Variants in REV3L observed in about 807,000 individuals in gnomAD.
The protein encoded by REV3L is DNA polymerase zeta catalytic subunit.
REV3L carries 69 observed loss-of-function variants against 299.4 expected under a neutral mutation model. The ratio of observed to expected loss-of-function variants is 0.23; its 90% CI spans 0.19 to 0.28. REV3L has a LOEUF of 0.28. Ranked by LOEUF, REV3L falls within the 10% of genes least tolerant of loss-of-function variation. The pLI is 1.00. For missense variants in REV3L, 3,128 were observed against 3,693.8 expected (o/e 0.85, Z 3.97); for synonymous variants, 1,238 against 1,271.4 (o/e 0.97, Z 0.56).
At chr6:111,315,406 G>A in intron 26 of REV3L, 25 bp from the exon 27 acceptor site, 1 of 1,584,168 alleles carries the variant, frequency 6.3e-7, no homozygotes, top group Non-Finnish European at 8.6e-7. Flanking sequence ...AATAAAGTAA[G>A]GTAATGAGGA....
intron 25 of REV3L, among the ~76,000 whole-genome samples, chr6:111,324,532 T>G (rs975777292): frequency 4.6e-5 from 7 of 152,220 alleles, no homozygotes; most frequent in Admixed American, 4.6e-4. Context: ...AATATACTTC[T>G]GAGATGTATA....
rs1333222907 is a variant in REV3L at position 111,482,831 on chromosome 6, G to A, written c.58C>T (p.Leu20=). 2 of 1,507,932 alleles carry A rather than the reference G, an allele frequency of 1.3e-6. No individual in the cohort carries two copies. The highest frequency in any genetic ancestry group is 1.5e-5 in the African/African-American group (1 of 68,366). 93.4% of individuals were successfully genotyped at this position (1,507,932 alleles called of 1,614,324 possible). A position where few individuals can be genotyped will look rare whatever the true frequency, so the allele number is the denominator to read the frequency against. Residue 20 remains leucine, a synonymous_variant, in exon 1 of 32, where the codon CTG becomes TTG. Transcript: ENST00000368802. ...GTGAGGGGGGATTGGCAGGTATCCAGCCCCTGCAGCGGGCTGGCCATGTAG... is the reference window on the plus strand; with the variant it reads ...GTGAGGGGGGATTGGCAGGTATCCAACCCCTGCAGCGGGCTGGCCATGTAG... ...DYYMASPLQG[L]DTCQSPLTQA... is the part of the protein sequence containing the mutation.
chr6:111,469,486 T>A (rs1378391100), intron 1 of REV3L, among the ~76,000 whole-genome samples: 3 of 152,176 alleles, frequency 2.0e-5, no homozygotes, highest in Non-Finnish European at 4.4e-5. Context: ...AATAGATTGT[T>A]GTAGTAATGG....
At chr6:111,306,021 TA>T (rs1772246241) in intron 31 of REV3L, among the ~76,000 whole-genome samples, 1 of 152,244 alleles carries the variant, frequency 6.6e-6, no homozygotes, top group Non-Finnish European at 1.5e-5. Context: ...ATTTATTCAA[TA>T]AATATTTACA....
At chr6:111,430,645 GAA>G (rs1488700648) in intron 1 of REV3L, 1 of 1,521,948 alleles carries the variant, frequency 6.6e-7, no homozygotes, top group Non-Finnish European at 9.1e-7. Context: ...TGCTGGCCGA[GAA>G]GAGAGAGGAC....
intron 21 of REV3L, among the ~76,000 whole-genome samples, chr6:111,337,595 A>T (rs1776040172): frequency 6.6e-6 from 1 of 152,182 alleles, no homozygotes; most frequent in African/African-American, 2.4e-5. Context: ...TGCTTTCCAG[A>T]AAGGTTTTAA....
chr6:111,391,877 T>C (rs976970813), intron 5 of REV3L, among the ~76,000 whole-genome samples: 3 of 152,228 alleles, frequency 2.0e-5, no homozygotes, highest in African/African-American at 7.2e-5. Context: ...TAGTCCTAGA[T>C]TCTTGGGAGG....
chr6:111,377,766 T>C lies in REV3L; in HGVS notation c.1532A>G (p.Asp511Gly), dbSNP rs375773069. 12 of 1,613,652 alleles carry C rather than the reference T, an allele frequency of 7.4e-6. No individual in the cohort carries two copies. The highest frequency in any genetic ancestry group is 1.7e-5 in the Admixed American group (1 of 59,976). Residue 511 changes from aspartate (D) to glycine (G), a missense_variant, in exon 12 of 32, where the codon GAT (aspartate) becomes GGT (glycine). Around this residue, in one of 9 missense-constraint regions of REV3L, gnomAD observed 2,409 missense variants for 2,611.8 expected, o/e 0.92. Transcript: ENST00000368802. ...AAGACTGGCTAGAAGCAAACTGTTA[T>C]CACTCCATTCCATTTCTTCTCCTGA... Reference protein sequence around the residue: ...SSSGEEMEWSDNSLLLASLSI... With the variant: ...SSSGEEMEWSGNSLLLASLSI...
At position 111,475,036 on chromosome 6, in the gene REV3L, TATA is replaced by T. The variant is rs530309569; in HGVS notation, c.139+7711_139+7713del. 4.7e-4 allele frequency among the ~76,000 whole-genome samples: 71 copies of T among 151,650 alleles called. 1 individual carries two copies. The highest frequency in any genetic ancestry group is 3.4e-3 in the Middle Eastern group (1 of 294). ...ACACACACACACATATGGATTTTATTATAATAAAGAATTTTATTCTAATACATA... is the reference window on the plus strand; with the variant it reads ...ACACACACACACATATGGATTTTATTATAAAGAATTTTATTCTAATACATA... On this transcript the variant is annotated intron_variant, in intron 1 of 31. Transcript: ENST00000368802.
intron 1 of REV3L, chr6:111,431,215 G>C: frequency 1.3e-6 from 2 of 1,564,320 alleles, no homozygotes; most frequent in Non-Finnish European, 8.8e-7. Context: ...TAGTTTACTG[G>C]ATGTTTTAAC....
intron 1 of REV3L, among the ~76,000 whole-genome samples, chr6:111,455,486 TTA>T (rs1192490651): frequency 1.3e-5 from 2 of 152,098 alleles, no homozygotes; most frequent in Non-Finnish European, 2.9e-5. Flanking sequence ...TGAAAAAACT[TTA>T]TGTTGTCTAG....
chr6:111,475,181 C>A (rs1298864590), intron 1 of REV3L, among the ~76,000 whole-genome samples: 1 of 152,114 alleles, frequency 6.6e-6, no homozygotes, highest in Non-Finnish European at 1.5e-5. Flanking sequence ...CACAGCAGTA[C>A]ACATAGTATT....
At position 111,375,525 on chromosome 6, in the gene REV3L, T is replaced by G; in HGVS notation, c.2830A>C (p.Ser944Arg). The G allele has an allele frequency of 6.2e-7, 1 of 1,613,342 alleles. No individual in the cohort carries two copies. Among genetic ancestry groups the G allele is most frequent in the Non-Finnish European group, 8.5e-7 (1 of 1,179,782 alleles). Residue 944 changes from serine to arginine, a missense_variant, in exon 13 of 32, where the codon AGT (serine) becomes CGT (arginine). Coordinates refer to ENST00000368802, the MANE Select transcript of REV3L (RefSeq NM_001372078.1). The stretch of plus-strand genomic sequence containing the variant: ...CCAATTTCCATGGGATGAGGTAGAC[T>G]AATTTTTGAGTTGTGAGTTACAAAA... ...SSFVTHNSKI[S>R]LPHPMEIGES...
chr6:111,310,837 GACTGTGTC>G (rs1772895016), intron 29 of REV3L: 1 of 401,234 alleles, frequency 2.5e-6, no homozygotes, highest in African/African-American at 2.0e-5. Context: ...ATGAATCAAG[GACTGTGTC>G]ACAATTTCTT....
intron 29 of REV3L, 44 bp from the exon 30 acceptor site, chr6:111,310,143 G>A (rs762720274): frequency 9.7e-6 from 14 of 1,449,264 alleles, no homozygotes; most frequent in South Asian, 8.3e-5. Flanking sequence ...ATACTGTTAT[G>A]GAAGCCATCT....
intron 1 of REV3L, chr6:111,430,948 T>A (rs1195897359): frequency 1.3e-6 from 2 of 1,588,094 alleles, no homozygotes; most frequent in East Asian, 4.5e-5. Flanking sequence ...GAATGACAAC[T>A]GGAAGACTTC....
chr6:111,409,220 T>C (rs1783978507), intron 3 of REV3L, among the ~76,000 whole-genome samples: 1 of 152,170 alleles, frequency 6.6e-6, no homozygotes, highest in Non-Finnish European at 1.5e-5. Context: ...AGATATGGAG[T>C]TGAAAAAGAA....
At chr6:111,404,908 G>A (rs1783460940) in intron 4 of REV3L, among the ~76,000 whole-genome samples, 1 of 152,094 alleles carries the variant, frequency 6.6e-6, no homozygotes, top group Admixed American at 6.5e-5. Context: ...AGGATGTTCA[G>A]TGGTGGAGGT....
intron 21 of REV3L, among the ~76,000 whole-genome samples, chr6:111,337,772 A>G (rs532006317): frequency 1.3e-5 from 2 of 152,322 alleles, no homozygotes; most frequent in South Asian, 4.1e-4. Context: ...TCAACAATAC[A>G]AAACTGCAAA....
Sources: gnomAD v4.1 joint callset for allele counts (sites outside exome capture counted in the v4.1 genomes callset) on GRCh38, gnomAD v4.1.1 for gene constraint, gnomAD v4.1.1 regional missense constraint, MANE v1.5 for transcripts, NCBI Gene and HGNC (gene_info 2026-07-23, HGNC 2026-07-21) for gene names.